Variants in RTTN observed in about 807,000 individuals in gnomAD.
RTTN encodes rotatin.
A neutral mutation model predicts 269.2 loss-of-function variants in RTTN; 182 were observed. The ratio of observed to expected loss-of-function variants is 0.68; its 90% CI spans 0.60 to 0.76. The LOEUF is 0.76. RTTN is among the 30% of genes least tolerant of loss of function. The pLI, the probability that RTTN is intolerant of heterozygous loss-of-function variation, is 0.00. For missense variants in RTTN, 2,545 were observed against 2,608.6 expected (o/e 0.98, Z 0.53); for synonymous variants, 1,006 against 963.5 (o/e 1.04, Z -0.82).
chr18:70,092,602 C>T, intron 29 of RTTN, 74 bp downstream of exon 29: 1 of 1,521,636 alleles, frequency 6.6e-7, no homozygotes, highest in East Asian at 2.3e-5. Flanking sequence ...AGTTTATATG[C>T]TTGAAATGTG....
chr18:70,040,415 G>C lies in RTTN; in HGVS notation c.5541+7556C>G, dbSNP rs553003507. 5.9e-5 allele frequency among the ~76,000 whole-genome samples: 9 copies of C among 152,290 alleles called. No individual in the cohort carries two copies. In the South Asian group the frequency reaches 1.0e-3, roughly 18 times the overall value. ...AATGATAATGCAGTCAATGCAGCAA[G>C]AGGATACAATGATTGTGAGTATATA... On this transcript the variant is annotated intron_variant, in intron 40 of 48. Transcript: ENST00000640769.
At chr18:70,161,306 G>T (rs977612395) in intron 14 of RTTN, among the ~76,000 whole-genome samples, 2 of 152,144 alleles carry the variant, frequency 1.3e-5, no homozygotes, top group African/African-American at 2.4e-5. Context: ...TCAAAAGATT[G>T]AAACTGGACC....
intron 28 of RTTN, 58 bp from the exon 29 acceptor site, chr18:70,092,862 T>TA (rs2058889244): frequency 6.8e-7 from 1 of 1,476,292 alleles, no homozygotes; most frequent in Non-Finnish European, 9.3e-7. Flanking sequence ...TATATAAAGA[T>TA]AAATATATAA....
At chr18:70,102,192 T>A (rs2059187121) in intron 28 of RTTN, among the ~76,000 whole-genome samples, 1 of 152,114 alleles carries the variant, frequency 6.6e-6, no homozygotes, top group Non-Finnish European at 1.5e-5. Flanking sequence ...AAGTCTCCCA[T>A]TATTATTGTG....
intron 8 of RTTN, 137 bp downstream of exon 8, chr18:70,193,151 A>C: frequency 1.3e-6 from 1 of 768,372 alleles, no homozygotes; most frequent in Non-Finnish European, 2.0e-6. Context: ...GGTTTAACAC[A>C]AGGCCTATAC....
chr18:70,063,625 C>T (rs1238112478), intron 35 of RTTN, among the ~76,000 whole-genome samples: 1 of 151,942 alleles, frequency 6.6e-6, no homozygotes, highest in Non-Finnish European at 1.5e-5. Flanking sequence ...TGAGATAATT[C>T]TAATGAAAAT....
Position 70,051,541 on chromosome 18 carries a change from C to T in RTTN, c.5193G>A (p.Glu1731=), listed in dbSNP as rs768136905. ...TICTKDVLDK[E]LISAFYHTWT... The stretch of plus-strand genomic sequence containing the variant: ...ATGTGTGATAAAAAGCTGATATTAA[C>T]TCTTTATCTATAAAATTAATCAAAA... Residue 1731 remains glutamate (E), a synonymous_variant, in exon 39 of 49, where the codon GAG becomes GAA. Coordinates refer to ENST00000640769, the MANE Select transcript of RTTN (RefSeq NM_173630.4). 1 of 1,595,556 alleles carries T rather than the reference C, an allele frequency of 6.3e-7. No individual in the cohort carries two copies. The highest frequency in any genetic ancestry group is 1.7e-5 in the Admixed American group (1 of 57,658).
chr18:70,082,300 T>C (rs1488271541), intron 32 of RTTN, among the ~76,000 whole-genome samples: 1 of 152,200 alleles, frequency 6.6e-6, no homozygotes. Flanking sequence ...AACATGATTA[T>C]AACAATGTTT....
rs1414758022 is a variant in RTTN, at chr18:70,024,815, A to G, written c.5857T>C (p.Leu1953=). The G allele has an allele frequency of 1.9e-6, 3 of 1,614,108 alleles. No individual in the cohort carries two copies. In the East Asian group the frequency reaches 6.7e-5, roughly 36 times the overall value. The part of the protein sequence containing the change: ...AALEAHLVPV[L]HSLWPWILMD... ...AAAATCCAAGGCCAGAGAGAGTGCA[A>G]GACAGGGACAAGGTGAGCTTCAAGA... The change falls in exon 44 of 49, where the codon TTG becomes CTG. Residue 1953 remains leucine (L), a synonymous_variant. Transcript: ENST00000640769.
chr18:70,125,763 T>C (rs538048475), intron 25 of RTTN, among the ~76,000 whole-genome samples: 4 of 152,150 alleles, frequency 2.6e-5, no homozygotes, highest in Non-Finnish European at 5.9e-5. Context: ...TCATCTTAGA[T>C]AATCAGTCAA....
intron 26 of RTTN, among the ~76,000 whole-genome samples, chr18:70,119,430 G>C (rs2059681320): frequency 1.3e-5 from 2 of 151,946 alleles, no homozygotes. Flanking sequence ...CCAAGGAAAG[G>C]GGAGGGGAGG....
At chr18:70,196,754 A>G (rs1175640601) in intron 6 of RTTN, 106 bp from the exon 7 acceptor site, 13 of 1,119,824 alleles carry the variant, frequency 1.2e-5, no homozygotes, top group Non-Finnish European at 1.5e-5. Flanking sequence ...ATCAAGAGAA[A>G]ATAAGTTGCC....
At chr18:70,044,562 T>C (rs892952289) in intron 40 of RTTN, among the ~76,000 whole-genome samples, 4 of 152,276 alleles carry the variant, frequency 2.6e-5, no homozygotes, top group South Asian at 2.1e-4. Context: ...CCTATAAATA[T>C]GTAACTACAA....
chr18:70,095,329 G>A (rs1173291458), intron 28 of RTTN, among the ~76,000 whole-genome samples: 2 of 152,076 alleles, frequency 1.3e-5, no homozygotes, highest in African/African-American at 4.8e-5. Context: ...TGTGTGAATT[G>A]ATCCTGTCAT....
chr18:70,201,008 G>A (rs1268230213), intron 4 of RTTN, among the ~76,000 whole-genome samples: 2 of 152,192 alleles, frequency 1.3e-5, no homozygotes, highest in Non-Finnish European at 2.9e-5. Context: ...AAAATAATGT[G>A]TTAGGAAGAA....
chr18:70,177,849 T>C (rs2061338676), intron 10 of RTTN, among the ~76,000 whole-genome samples: 1 of 152,140 alleles, frequency 6.6e-6, no homozygotes, highest in African/African-American at 2.4e-5. Context: ...TGTAAAATGG[T>C]GCAGCCACTG....
chr18:70,084,435 TCATGGTTGCAAAGGAC>T (rs2058650395), intron 32 of RTTN, among the ~76,000 whole-genome samples: 1 of 152,172 alleles, frequency 6.6e-6, no homozygotes, highest in African/African-American at 2.4e-5. Context: ...GGCCCCTTTT[TCATGGTTGCAAAGGAC>T]CATGTGCCCC....
At chr18:70,113,545 T>G (rs994425111) in intron 27 of RTTN, among the ~76,000 whole-genome samples, 1 of 152,162 alleles carries the variant, frequency 6.6e-6, no homozygotes, top group African/African-American at 2.4e-5. Context: ...CACTCCTAAT[T>G]ATATACTCAA....
At chr18:70,052,070 C>G (rs1035414812) in intron 38 of RTTN, among the ~76,000 whole-genome samples, 3 of 152,088 alleles carry the variant, frequency 2.0e-5, no homozygotes, top group Non-Finnish European at 4.4e-5. Flanking sequence ...AAAGAAGATT[C>G]TGCAGCTTTT....
Sources: allele counts gnomAD v4.1 joint callset (sites outside exome capture counted in the v4.1 genomes callset), GRCh38; gene constraint gnomAD v4.1.1; transcripts MANE v1.5; gene names NCBI Gene and HGNC (gene_info 2026-07-23, HGNC 2026-07-21).